The following SLIT2 variants were observed in gnomAD, a reference collection of about 807,000 sequenced individuals.
SLIT2 encodes the protein slit guidance ligand 2.
Under a neutral mutation model 185.7 loss-of-function variants are expected in SLIT2, and 41 were observed. The ratio of observed to expected loss-of-function variants is 0.22; its 90% CI spans 0.17 to 0.29. The LOEUF (loss-of-function observed/expected upper bound fraction) is 0.29. Among genes scored for constraint, SLIT2 ranks in the 10% least tolerant of loss-of-function variants. The probability of loss-of-function intolerance (pLI) is 1.00; values close to 1 mark genes in which losing one functional copy is unlikely to be tolerated. For missense variants in SLIT2, 1,571 were observed against 1,909.0 expected, an observed-to-expected ratio of 0.82 and a Z score of 3.30; for synonymous variants, 693 against 680.2, an observed-to-expected ratio of 1.02 and a Z score of -0.29.
Position 20,614,168 on chromosome 4 carries a change from C to G in SLIT2, c.3848-2742C>G, listed in dbSNP as rs567553152. On this transcript the variant is annotated intron_variant, in intron 34 of 36. Transcript: ENST00000504154. Reference sequence around the variant, plus strand: ...GATTACATGCATGAGCCACTGCGCTCGGCCGACACAAAATAATTTAGTTTT... The same window carrying G: ...GATTACATGCATGAGCCACTGCGCTGGGCCGACACAAAATAATTTAGTTTT... 2.0e-5 allele frequency among the ~76,000 whole-genome samples: 3 copies of G among 152,228 alleles called. No homozygotes were observed. The East Asian group carries it at 5.8e-4, about 29-fold the overall frequency.
chr4:20,328,832 G>T (rs115608568), intron 4 of SLIT2, among the ~76,000 whole-genome samples: 1 of 152,088 alleles, frequency 6.6e-6, no homozygotes, highest in South Asian at 2.1e-4. Context: ...TTTGAGCTGG[G>T]CCTTGAACTG....
chr4:20,413,160 C>T (rs1424634657), intron 4 of SLIT2, among the ~76,000 whole-genome samples: 1 of 151,888 alleles, frequency 6.6e-6, no homozygotes, highest in East Asian at 1.9e-4. Context: ...GTTTTGCTTT[C>T]TCTGCTATGA....
chr4:20,586,484 T>C (rs1727076519), intron 29 of SLIT2, among the ~76,000 whole-genome samples: 1 of 152,168 alleles, frequency 6.6e-6, no homozygotes, highest in Admixed American at 6.6e-5. Flanking sequence ...ATTCTACTCT[T>C]AGTGATTTTA....
intron 4 of SLIT2, among the ~76,000 whole-genome samples, chr4:20,277,284 A>C (rs1714259872): frequency 6.6e-6 from 1 of 152,168 alleles, no homozygotes; most frequent in African/African-American, 2.4e-5. Context: ...AGTTTCATTG[A>C]GAATTTTTTT....
At chr4:20,615,652 A>T (rs1467784690) in intron 34 of SLIT2, 1 of 152,250 alleles carries the variant, frequency 6.6e-6, no homozygotes, top group African/African-American at 2.4e-5. Flanking sequence ...GGTTTCGTAC[A>T]CCTAGCTGTC....
intron 9 of SLIT2, among the ~76,000 whole-genome samples, chr4:20,502,446 A>C (rs1718829079): frequency 6.6e-6 from 1 of 152,248 alleles, no homozygotes; most frequent in Non-Finnish European, 1.5e-5. Context: ...GGACAGTCTC[A>C]ACCTTCAAAA....
At chr4:20,378,930 A>G (rs1262343458) in intron 4 of SLIT2, among the ~76,000 whole-genome samples, 1 of 152,160 alleles carries the variant, frequency 6.6e-6, no homozygotes, top group Non-Finnish European at 1.5e-5. Flanking sequence ...CTGTGAAACC[A>G]TGGAAAGACA....
chr4:20,472,629 T>TAGATATATCG (rs1402311506), intron 5 of SLIT2, among the ~76,000 whole-genome samples: 622 of 15,764 alleles, frequency 0.039, 219 homozygotes, highest in Non-Finnish European at 0.049. Flanking sequence ...TCGATATATC[T>TAGATATATCG]ATATATATCG....
At chr4:20,378,745 T>A (rs1724235460) in intron 4 of SLIT2, among the ~76,000 whole-genome samples, 1 of 152,154 alleles carries the variant, frequency 6.6e-6, no homozygotes. Context: ...TGGTATTTAC[T>A]CAAACAAGTT....
At chr4:20,552,363 T>TC (rs1374188667) in intron 25 of SLIT2, 1 of 123,600 alleles carries the variant, frequency 8.1e-6, no homozygotes, top group Non-Finnish European at 1.7e-5. Context: ...GCCTTGCATT[T>TC]CTTTTTTTTT....
intron 34 of SLIT2, chr4:20,616,584 C>CT (rs1236358011): frequency 1.0e-5 from 2 of 197,556 alleles, no homozygotes; most frequent in Non-Finnish European, 2.0e-5. Flanking sequence ...CCAGTCTTGC[C>CT]TTTAAGGACA....
chr4:20,579,000 T>G (rs1726301479), intron 29 of SLIT2, among the ~76,000 whole-genome samples: 1 of 151,870 alleles, frequency 6.6e-6, no homozygotes, highest in Non-Finnish European at 1.5e-5. Context: ...AGAAAGCAAT[T>G]AATAGTCCAG....
intron 4 of SLIT2, among the ~76,000 whole-genome samples, chr4:20,448,335 T>A (rs760889313): frequency 5.9e-5 from 9 of 152,122 alleles, no homozygotes; most frequent in Non-Finnish European, 1.3e-4. Context: ...AGAGCCTCGC[T>A]CTGTCACTCA....
rs181449299 is a variant in SLIT2 at position 20,386,097 on chromosome 4, G to T, written c.396-81655G>T. Among the ~76,000 whole-genome samples the T allele has an allele frequency of 9.9e-4, 150 of 152,226 alleles. 1 individual carries two copies. Among genetic ancestry groups the T allele is most frequent in the African/African-American group, 3.3e-3 (139 of 41,550 alleles). On this transcript the variant is annotated intron_variant, in intron 4 of 36. Transcript: ENST00000504154. The stretch of plus-strand genomic sequence containing the variant: ...AAATGCCATAATGTGTATGATATAT[G>T]TATAAGTGTATAAAAGCTCATGCAT...
At chr4:20,488,275 A>T (rs536240921) in intron 7 of SLIT2, among the ~76,000 whole-genome samples, 1 of 152,202 alleles carries the variant, frequency 6.6e-6, no homozygotes, top group Non-Finnish European at 1.5e-5. Flanking sequence ...ATTAAACAAC[A>T]AAAGAAGGAA....
At chr4:20,518,907 T>G (rs1720564418) in intron 11 of SLIT2, among the ~76,000 whole-genome samples, 1 of 151,816 alleles carries the variant, frequency 6.6e-6, no homozygotes, top group African/African-American at 2.4e-5. Context: ...CGCCCGGCCA[T>G]GTATATATTT....
intron 4 of SLIT2, among the ~76,000 whole-genome samples, chr4:20,285,313 A>T (rs1290781090): frequency 2.6e-5 from 4 of 152,188 alleles, no homozygotes; most frequent in Non-Finnish European, 1.5e-5. Context: ...GCCTGACCTG[A>T]TAGGCCATTT....
chr4:20,320,709 T>A (rs1719005077), intron 4 of SLIT2, among the ~76,000 whole-genome samples: 1 of 152,100 alleles, frequency 6.6e-6, no homozygotes, highest in South Asian at 2.1e-4. Context: ...TTCACTAATA[T>A]CACAAAGGGG....
intron 4 of SLIT2, among the ~76,000 whole-genome samples, chr4:20,452,829 C>A (rs1014172198): frequency 1.3e-5 from 2 of 152,128 alleles, no homozygotes; most frequent in Admixed American, 1.3e-4. Context: ...CTGTGGGAAC[C>A]GAGGCCTTTC....
Sources: allele counts gnomAD v4.1 joint callset (sites outside exome capture counted in the v4.1 genomes callset), GRCh38; gene constraint gnomAD v4.1.1; transcripts MANE v1.5; gene names NCBI Gene and HGNC (gene_info 2026-07-23, HGNC 2026-07-21).